The following CNIH3 variants were observed in gnomAD, a reference collection of about 807,000 sequenced individuals.
CNIH3 encodes cornichon family AMPA receptor auxiliary protein 3.
CNIH3 carries 14 observed loss-of-function variants against 24.1 expected under a neutral mutation model. That is an observed-to-expected ratio of 0.58 (90% confidence interval 0.38 to 0.91). CNIH3 has a LOEUF of 0.91. CNIH3 is among the 40% of genes least tolerant of loss of function. The pLI is 0.00. For synonymous variants in CNIH3, 68 were observed against 73.8 expected, an observed-to-expected ratio of 0.92 and a Z score of 0.40; for missense variants, 178 against 196.8, an observed-to-expected ratio of 0.90 and a Z score of 0.57.
At chr1:224,508,528 A>T (rs1678008451) in intron 1 of CNIH3, among the ~76,000 whole-genome samples, 1 of 152,220 alleles carries the variant, frequency 6.6e-6, no homozygotes, top group Non-Finnish European at 1.5e-5. Flanking sequence ...ACTCTTTATG[A>T]TAAAATATTG....
rs565875550 is a variant in CNIH3, at chr1:224,684,293, G to C, written c.151-503G>C. 3.9e-5 allele frequency among the ~76,000 whole-genome samples: 6 copies of C among 152,308 alleles called. No homozygotes were observed. Among genetic ancestry groups the C allele is most frequent in the Admixed American group, 1.3e-4 (2 of 15,298 alleles). On this transcript the variant is annotated intron_variant, in intron 2 of 5. Transcript: ENST00000272133. The surrounding 1 kb of genome is among the most constrained non-coding windows in gnomAD (Gnocchi z 4.2). ...TCATTGTTGTCTAATTTAGTAGGGAGATTACTTCCTCCAAGTAGACTCACT... is the reference window on the plus strand; with the variant it reads ...TCATTGTTGTCTAATTTAGTAGGGACATTACTTCCTCCAAGTAGACTCACT...
chr1:224,443,569 T>C (rs769232667), intron 1 of CNIH3, among the ~76,000 whole-genome samples: 1 of 152,152 alleles, frequency 6.6e-6, no homozygotes, highest in Non-Finnish European at 1.5e-5. Flanking sequence ...AAGAGTCTTC[T>C]GTTTTAGACA....
intron 1 of CNIH3, chr1:224,661,512 T>A: frequency 3.2e-6 from 1 of 308,796 alleles, no homozygotes; most frequent in Non-Finnish European, 6.2e-6. Flanking sequence ...GGGGACCCCT[T>A]TGATTCCCAA....
rs1247904565 is a variant in CNIH3, at chr1:224,443,698, G to GAT, written n.203+8849_203+8850dup. Among the ~76,000 whole-genome samples the GAT allele has an allele frequency of 2.2e-4, 33 of 148,952 alleles. No homozygotes were observed. In the East Asian group the frequency reaches 2.5e-3, roughly 11 times the overall value. On this transcript the variant is annotated intron_variant and non_coding_transcript_variant, in intron 1 of 5. Coordinates refer to the CNIH3 transcript ENST00000471578. Reference sequence around the variant, plus strand: ...AGATAGATAGATATCTATAGATATAGATATATATATATATTTTTTTAGGCT... The same window carrying GAT: ...AGATAGATAGATATCTATAGATATAGATATATATATATATATTTTTTTAGGCT...
At chr1:224,652,355 C>G (rs1429065096) in intron 1 of CNIH3, among the ~76,000 whole-genome samples, 2 of 152,108 alleles carry the variant, frequency 1.3e-5, no homozygotes, top group Non-Finnish European at 2.9e-5. Context: ...ATGGAGTGGT[C>G]TGTGCACAAG....
At chr1:224,701,810 A>G (rs1412375077) in intron 3 of CNIH3, among the ~76,000 whole-genome samples, 1 of 152,210 alleles carries the variant, frequency 6.6e-6, no homozygotes, top group African/African-American at 2.4e-5. Flanking sequence ...AACATAAGCT[A>G]GTACATGCAA....
At chr1:224,689,799 T>A (rs780627476) in intron 3 of CNIH3, among the ~76,000 whole-genome samples, 34 of 152,182 alleles carry the variant, frequency 2.2e-4, no homozygotes, top group Non-Finnish European at 4.4e-4. Flanking sequence ...AATGTGTTCT[T>A]TGGGTAATTG....
At chr1:224,593,782 G>A (rs1044852843) in intron 3 of CNIH3, among the ~76,000 whole-genome samples, 15 of 152,208 alleles carry the variant, frequency 9.9e-5, no homozygotes, top group African/African-American at 3.6e-4. Context: ...TCTATCCAGA[G>A]CCTTGTGCTG....
chr1:224,485,077 C>T (rs1054831666), intron 1 of CNIH3, among the ~76,000 whole-genome samples: 11 of 152,068 alleles, frequency 7.2e-5, no homozygotes, highest in African/African-American at 2.2e-4. Flanking sequence ...TTTTTACATT[C>T]CTACTAATAT....
At chr1:224,477,847 T>G (rs1676649266) in intron 1 of CNIH3, among the ~76,000 whole-genome samples, 1 of 152,232 alleles carries the variant, frequency 6.6e-6, no homozygotes, top group Non-Finnish European at 1.5e-5. Context: ...GTAGGAAGGG[T>G]CTGGTATTGA....
intron 4 of CNIH3, among the ~76,000 whole-genome samples, chr1:224,575,844 T>C (rs1463912406): frequency 1.3e-5 from 2 of 152,236 alleles, no homozygotes; most frequent in Non-Finnish European, 2.9e-5. Context: ...ATCATGTCTC[T>C]ATCACTTACC....
intron 1 of CNIH3, among the ~76,000 whole-genome samples, chr1:224,664,521 G>A (rs1017356412): frequency 1.3e-5 from 2 of 152,178 alleles, no homozygotes; most frequent in Non-Finnish European, 2.9e-5. Context: ...ATGGAGGGGT[G>A]CTACAACAAA....
At chr1:224,652,081 CATT>C (rs1684885275) in intron 1 of CNIH3, among the ~76,000 whole-genome samples, 1 of 152,070 alleles carries the variant, frequency 6.6e-6, no homozygotes, top group Admixed American at 6.6e-5. Flanking sequence ...ACTTTCATAA[CATT>C]ATTGACCTGT....
upstream of CNIH3, among the ~76,000 whole-genome samples, chr1:224,511,911 C>A (rs1407673106): frequency 6.6e-6 from 1 of 152,212 alleles, no homozygotes; most frequent in Non-Finnish European, 1.5e-5. Flanking sequence ...CATGGTGGCT[C>A]ATGCCTGTAA....
Position 224,616,420 on chromosome 1 carries a change from G to A in CNIH3, c.-755G>A, listed in dbSNP as rs1682990070. 1 of 975,246 alleles carries A rather than the reference G, an allele frequency of 1.0e-6. No individual in the cohort carries two copies. Among genetic ancestry groups the A allele is most frequent in the African/African-American group, 1.8e-5 (1 of 56,896 alleles). The allele number at this position is 975,246 out of a possible 1,614,324, so 60.4% of individuals were successfully genotyped here. On this transcript the variant is annotated 5_prime_UTR_variant, in exon 1 of 6. Transcript: ENST00000272133. The stretch of plus-strand genomic sequence containing the variant: ...CACTGCTGCAGCCACCCGGGCTGGA[G>A]TTGGCCCGTTGGGTGGAGCCAGTGC...
At chr1:224,693,131 G>A (rs1017556307) in intron 3 of CNIH3, among the ~76,000 whole-genome samples, 17 of 152,336 alleles carry the variant, frequency 1.1e-4, no homozygotes, top group East Asian at 1.9e-4. Context: ...GACGCTTTCC[G>A]TGGCAAACTC....
chr1:224,538,490 A>G (rs543568689), downstream of CNIH3, among the ~76,000 whole-genome samples: 3 of 152,204 alleles, frequency 2.0e-5, no homozygotes, highest in South Asian at 6.2e-4. Context: ...AGGTTGCTAT[A>G]TATACAGGTA....
intron 4 of CNIH3, among the ~76,000 whole-genome samples, chr1:224,571,516 G>A (rs912557724): frequency 1.3e-5 from 2 of 152,078 alleles, no homozygotes; most frequent in African/African-American, 4.8e-5. Context: ...CTTGAGGTCA[G>A]GAGTTCAAGA....
intron 2 of CNIH3, among the ~76,000 whole-genome samples, chr1:224,532,263 G>T (rs888555144): frequency 1.1e-4 from 16 of 152,186 alleles, no homozygotes; most frequent in Admixed American, 7.2e-4. Flanking sequence ...ACAGCACAGA[G>T]ACCCAGTGTC....
Sources: allele counts gnomAD v4.1 joint callset (sites outside exome capture counted in the v4.1 genomes callset), GRCh38; gene constraint gnomAD v4.1.1; non-coding constraint Gnocchi (gnomAD v3.1); transcripts MANE v1.5; gene names NCBI Gene and HGNC (gene_info 2026-07-23, HGNC 2026-07-21).